The following PLA2G4A variants were observed in gnomAD, a reference collection of about 807,000 sequenced individuals.
PLA2G4A encodes the protein phospholipase A2 group IVA, also known as cytosolic phospholipase A2.
Under a neutral mutation model 81.9 loss-of-function variants are expected in PLA2G4A, and 40 were observed. The ratio of observed to expected loss-of-function variants is 0.49; its 90% CI spans 0.38 to 0.64. The LOEUF (loss-of-function observed/expected upper bound fraction) is 0.64. PLA2G4A is among the 30% of genes least tolerant of loss of function. The pLI, the probability that PLA2G4A is intolerant of heterozygous loss-of-function variation, is 0.00. For missense variants in PLA2G4A, 715 were observed against 905.1 expected, an observed-to-expected ratio of 0.79 and a Z score of 2.69; for synonymous variants, 302 against 296.9, an observed-to-expected ratio of 1.02 and a Z score of -0.18.
At chr1:186,859,286 A>G (rs1436643862) in intron 2 of PLA2G4A, among the ~76,000 whole-genome samples, 1 of 152,174 alleles carries the variant, frequency 6.6e-6, no homozygotes, top group Non-Finnish European at 1.5e-5. Flanking sequence ...AGTGACAAAT[A>G]CATGACAGAA....
chr1:186,892,984 C>T (rs763013144), intron 3 of PLA2G4A, 27 bp from the exon 4 acceptor site: 10 of 1,571,138 alleles, frequency 6.4e-6, no homozygotes, highest in East Asian at 4.5e-5. Flanking sequence ...TTTCTACCTC[C>T]TTCTTGTTTG....
chr1:186,892,919 T>A (rs1191892995), intron 3 of PLA2G4A, 92 bp from the exon 4 acceptor site: 5 of 893,986 alleles, frequency 5.6e-6, no homozygotes, highest in Non-Finnish European at 9.3e-6. Context: ...TACAGATTCA[T>A]TGAGAATAAA....
intron 1 of PLA2G4A, among the ~76,000 whole-genome samples, chr1:186,831,950 A>C (rs1278123523): frequency 8.9e-6 from 1 of 112,010 alleles, no homozygotes; most frequent in Non-Finnish European, 1.8e-5. Context: ...CATTGTTAAA[A>C]CATGTTTTTT....
At chr1:186,923,423 A>T (rs1234613762) in intron 7 of PLA2G4A, among the ~76,000 whole-genome samples, 2 of 152,218 alleles carry the variant, frequency 1.3e-5, no homozygotes, top group Non-Finnish European at 2.9e-5. Context: ...AAATGATATT[A>T]CAAATTCTTT....
At position 186,842,949 on chromosome 1, in the gene PLA2G4A, G is replaced by A. The variant is rs372272505; in HGVS notation, c.-69-11337G>A. On this transcript the variant is annotated intron_variant, in intron 1 of 17. Transcript: ENST00000367466. ...GTATAATTTCTCAGAAACTCTGCCT[G>A]TGCTTCAGGGTCTTTTGTAGAGTGA... Among the ~76,000 whole-genome samples the A allele has an allele frequency of 3.2e-4, 49 of 152,290 alleles. No individual in the cohort carries two copies. The South Asian group carries it at 0.01, about 32-fold the overall frequency.
chr1:186,927,500 C>A (rs1301052673), intron 7 of PLA2G4A, among the ~76,000 whole-genome samples: 1 of 152,062 alleles, frequency 6.6e-6, no homozygotes, highest in African/African-American at 2.4e-5. Flanking sequence ...TAAAAACTAG[C>A]CATACCATAA....
intron 2 of PLA2G4A, among the ~76,000 whole-genome samples, chr1:186,863,791 C>T (rs1553269791): frequency 1.3e-5 from 2 of 148,794 alleles, no homozygotes; most frequent in South Asian, 4.2e-4. Context: ...GACAGAGTCT[C>T]CCTCTTTTGC....
intron 3 of PLA2G4A, among the ~76,000 whole-genome samples, chr1:186,891,487 C>T (rs1038191643): frequency 1.4e-4 from 21 of 152,052 alleles, no homozygotes; most frequent in Middle Eastern, 6.8e-3. Context: ...TGGTAATCAT[C>T]CTTCTGCCCC....
rs558669732 is a variant in PLA2G4A, at chr1:186,958,657, C to T, written c.1579+2313C>T. Among the ~76,000 whole-genome samples, 5 of 152,256 alleles carry T rather than the reference C, an allele frequency of 3.3e-5. No individual in the cohort carries two copies. In the East Asian group the frequency reaches 9.7e-4, roughly 29 times the overall value. On this transcript the variant is annotated intron_variant, in intron 14 of 17. Coordinates refer to ENST00000367466, the MANE Select transcript of PLA2G4A (RefSeq NM_024420.3). ...TGGCCACATACCATTCCCCTTAGCC[C>T]TTGGTTTTCTTAGTCATCCACTTGC... is the stretch of plus-strand genomic sequence containing the variant.
At chr1:186,911,525 G>T in intron 7 of PLA2G4A, 136 bp downstream of exon 7, 8 of 715,450 alleles carry the variant, frequency 1.1e-5, no homozygotes, top group South Asian at 4.9e-5. Flanking sequence ...TAAGGTAAGT[G>T]ATTTGTAAAT....
At position 186,932,851 on chromosome 1, in the gene PLA2G4A, G is replaced by T; in HGVS notation, c.647G>T (p.Gly216Val). 6.2e-7 allele frequency: 1 copy of T among 1,613,252 alleles called. No individual in the cohort carries two copies. ...GTGATGAAGGCATTATACGAATCAG[G>T]AATTCTGGATTGTGCTACCTACGTT... is the stretch of plus-strand genomic sequence containing the variant. ...SGVMKALYES[G>V]ILDCATYVAG... The change falls in exon 8 of 18, where the codon GGA becomes GTA. Residue 216 changes from glycine to valine, a missense_variant. Gly to Val is a moderately radical substitution (Grantham distance 109). Transcript: ENST00000367466.
chr1:186,901,613 G>C (rs1169718140), intron 5 of PLA2G4A, among the ~76,000 whole-genome samples: 4 of 152,114 alleles, frequency 2.6e-5, no homozygotes, highest in Non-Finnish European at 4.4e-5. Flanking sequence ...AGAGTGGTTT[G>C]GTAGTAATGC....
Position 186,988,540 on chromosome 1 carries a change from T to G in PLA2G4A, c.*32T>G. ...TACTGGAAATGGCAGCAGTTTCTGA[T>G]GCTGAGGCAGTTTGCAATCCCATGA... On this transcript the variant is annotated 3_prime_UTR_variant, in exon 18 of 18. Coordinates refer to ENST00000367466, the MANE Select transcript of PLA2G4A (RefSeq NM_024420.3). The G allele has an allele frequency of 6.2e-7, 1 of 1,601,568 alleles. No homozygotes were observed. The highest frequency in any genetic ancestry group is 8.5e-7 in the Non-Finnish European group (1 of 1,171,074).
intron 1 of PLA2G4A, among the ~76,000 whole-genome samples, chr1:186,850,673 C>T (rs915275987): frequency 2.0e-5 from 3 of 152,064 alleles, no homozygotes; most frequent in Non-Finnish European, 2.9e-5. Context: ...CTATGCCATT[C>T]TCATTATTAC....
intron 8 of PLA2G4A, among the ~76,000 whole-genome samples, chr1:186,936,142 A>G (rs1430129574): frequency 6.6e-6 from 1 of 151,974 alleles, no homozygotes; most frequent in Non-Finnish European, 1.5e-5. Context: ...CAGTATTACC[A>G]TCTAAAAAGA....
intron 8 of PLA2G4A, among the ~76,000 whole-genome samples, chr1:186,935,664 A>G (rs185446461): frequency 1.3e-5 from 2 of 152,114 alleles, no homozygotes; most frequent in Admixed American, 1.3e-4. Context: ...AGGATGATTC[A>G]TGTTCACAGT....
intron 5 of PLA2G4A, among the ~76,000 whole-genome samples, chr1:186,902,174 A>C (rs1298888127): frequency 6.6e-6 from 1 of 152,216 alleles, no homozygotes; most frequent in East Asian, 1.9e-4. Flanking sequence ...TGCATATCTA[A>C]ACAAACATAT....
chr1:186,915,413 G>A (rs1439975085), intron 7 of PLA2G4A, among the ~76,000 whole-genome samples: 1 of 152,090 alleles, frequency 6.6e-6, no homozygotes, highest in African/African-American at 2.4e-5. Flanking sequence ...GTAAATGGGG[G>A]TCCAGTATCC....
At chr1:186,986,837 G>C (rs1657906162) in intron 17 of PLA2G4A, among the ~76,000 whole-genome samples, 1 of 152,154 alleles carries the variant, frequency 6.6e-6, no homozygotes, top group African/African-American at 2.4e-5. Flanking sequence ...GTTTGTGCCT[G>C]GTAGCCTTTG....
Sources: gnomAD v4.1 joint callset for allele counts (sites outside exome capture counted in the v4.1 genomes callset) on GRCh38, gnomAD v4.1.1 for gene constraint, MANE v1.5 for transcripts, NCBI Gene and HGNC (gene_info 2026-07-23, HGNC 2026-07-21) for gene names.